Variants in VGLL4 observed in about 807,000 individuals in gnomAD.
VGLL4 encodes the protein transcription cofactor vestigial-like protein 4.
In VGLL4, 7 loss-of-function variants were observed where a neutral mutation model predicts 21.0. The observed-to-expected ratio is 0.33, with a 90% CI of 0.19 to 0.63. VGLL4 has a LOEUF of 0.63. Among genes scored for constraint, VGLL4 ranks in the 20% least tolerant of loss-of-function variants. The pLI is 0.78. For synonymous variants in VGLL4, 222 were observed against 173.2 expected (o/e 1.28, Z -2.21); for missense variants, 394 against 425.7 (o/e 0.93, Z 0.66).
intron 2 of VGLL4, chr3:11,671,451 C>T (rs572087222): frequency 9.5e-6 from 7 of 735,092 alleles, no homozygotes; most frequent in Middle Eastern, 4.6e-4. Context: ...CCTCAGTATT[C>T]GCCGGGGATT....
At chr3:11,577,337 G>A (rs2014275) in intron 2 of VGLL4, among the ~76,000 whole-genome samples, 14,159 of 152,206 alleles carry the variant, frequency 0.093, 793 homozygotes, top group South Asian at 0.14. Context: ...GGTGGCTCAC[G>A]CCTGTAATCT....
intron 2 of VGLL4, among the ~76,000 whole-genome samples, chr3:11,659,989 G>A (rs2125353499): frequency 6.6e-6 from 1 of 152,090 alleles, no homozygotes; most frequent in East Asian, 2.0e-4. Flanking sequence ...GTGAAACCCT[G>A]TCTCTACTAA....
chr3:11,720,667 C>T (rs1047058780), exon 1 of VGLL4: 2 of 152,262 alleles, frequency 1.3e-5, no homozygotes, highest in Admixed American at 1.3e-4. Context: ...TGGAAAGAGT[C>T]CCCTTCAGCC....
rs538747648 is a variant in VGLL4, at chr3:11,675,809, T to G, written c.64+27162A>C. On this transcript the variant is annotated intron_variant, in intron 2 of 5. Coordinates refer to the VGLL4 transcript ENST00000273038. Reference sequence around the variant, plus strand: ...AGTTATACCCAATAGAGTTGAAATATCCAATTCAGTAAAACAAACTGTTCA... The same window carrying G: ...AGTTATACCCAATAGAGTTGAAATAGCCAATTCAGTAAAACAAACTGTTCA... 2.0e-3 allele frequency among the ~76,000 whole-genome samples: 304 copies of G among 152,340 alleles called. 2 individuals are homozygous for G. Among genetic ancestry groups the G allele is most frequent in the African/African-American group, 7.2e-3 (299 of 41,580 alleles).
At chr3:11,713,792 G>A (rs2076882751) in intron 1 of VGLL4, among the ~76,000 whole-genome samples, 1 of 151,816 alleles carries the variant, frequency 6.6e-6, no homozygotes, top group African/African-American at 2.4e-5. Flanking sequence ...AACCTTAGGT[G>A]CCTCCACCTC....
intron 2 of VGLL4, among the ~76,000 whole-genome samples, chr3:11,666,408 A>T (rs756930237): frequency 1.3e-5 from 2 of 152,202 alleles, no homozygotes; most frequent in Non-Finnish European, 2.9e-5. Flanking sequence ...CGAACAGAGC[A>T]TGGCCAGAAT....
intron 2 of VGLL4, among the ~76,000 whole-genome samples, chr3:11,697,385 G>A (rs1208136687): frequency 6.6e-6 from 1 of 152,070 alleles, no homozygotes; most frequent in Non-Finnish European, 1.5e-5. Flanking sequence ...GGCATTACAG[G>A]CATGAGCCAC....
Position 11,653,281 on chromosome 3 carries a change from C to T in VGLL4, c.64+49690G>A, listed in dbSNP as rs1027611175. ...GGAGAATTTTAATGTATCCCACCTCCACCTATTCCTTCTTCCAGTAACTAC... is the reference window on the plus strand; with the variant it reads ...GGAGAATTTTAATGTATCCCACCTCTACCTATTCCTTCTTCCAGTAACTAC... On this transcript the variant is annotated intron_variant, in intron 2 of 5. Coordinates refer to the VGLL4 transcript ENST00000273038. This position sits in a 1 kb window ranked among gnomAD's most constrained non-coding sequence, Gnocchi z 4.2. 2.6e-5 allele frequency among the ~76,000 whole-genome samples: 4 copies of T among 152,182 alleles called. No homozygotes were observed. Among genetic ancestry groups the T allele is most frequent in the Non-Finnish European group, 5.9e-5 (4 of 68,034 alleles).
At chr3:11,704,383 CAAAAAAAAAAAA>C (rs57593843) in intron 1 of VGLL4, among the ~76,000 whole-genome samples, 6 of 69,168 alleles carry the variant, frequency 8.7e-5, no homozygotes, top group African/African-American at 2.0e-4. Context: ...AACTCCGTCT[CAAAAAAAAAAAA>C]AAAAAAAAAA....
intron 1 of VGLL4, among the ~76,000 whole-genome samples, chr3:11,638,612 A>C (rs2075632193): frequency 6.6e-6 from 1 of 151,946 alleles, no homozygotes; most frequent in Non-Finnish European, 1.5e-5. Flanking sequence ...AAGTAAAATG[A>C]CTTTCCACAG....
At chr3:11,643,401 G>A (rs201493030) in intron 1 of VGLL4, 36 bp downstream of exon 1, 159 of 1,613,864 alleles carry the variant, frequency 9.9e-5, no homozygotes, top group Non-Finnish European at 1.3e-4. Context: ...TGGCCGGGAC[G>A]AGCAACGGGC....
upstream of VGLL4, among the ~76,000 whole-genome samples, chr3:11,647,513 C>T (rs1001574847): frequency 2.0e-5 from 3 of 152,144 alleles, no homozygotes; most frequent in Non-Finnish European, 4.4e-5. Context: ...GGAATAGTTG[C>T]ATTATACTTA....
Position 11,600,964 on chromosome 3 carries a change from C to T in VGLL4, c.272+869G>A, listed in dbSNP as rs542747259. Among the ~76,000 whole-genome samples the T allele has an allele frequency of 5.3e-5, 8 of 152,310 alleles. No homozygotes were observed. The South Asian group carries it at 6.2e-4, about 12-fold the overall frequency. On this transcript the variant is annotated intron_variant, in intron 2 of 4. Transcript: ENST00000430365. Reference sequence around the variant, plus strand: ...GCAAGATAACTCCAAGAACACCAACCGCCCTCACCACTGTACCCGTAGACT... The same window carrying T: ...GCAAGATAACTCCAAGAACACCAACTGCCCTCACCACTGTACCCGTAGACT...
intron 1 of VGLL4, 150 bp downstream of exon 1, chr3:11,643,287 G>C: frequency 8.8e-7 from 1 of 1,142,722 alleles, no homozygotes; most frequent in Non-Finnish European, 1.2e-6. Context: ...GAACACACTC[G>C]GTGCCGAACC....
At chr3:11,654,369 A>G (rs925218197) in intron 2 of VGLL4, among the ~76,000 whole-genome samples, 9 of 152,060 alleles carry the variant, frequency 5.9e-5, no homozygotes, top group Non-Finnish European at 7.3e-5. Context: ...CAATGCGGAG[A>G]TGAGGAAACA....
At position 11,643,829 on chromosome 3, in the gene VGLL4, G is replaced by A. The variant is rs1423138191; in HGVS notation, c.-311C>T. The stretch of plus-strand genomic sequence containing the variant: ...TGGAAATGGAAAAGAGTGAAAAAGA[G>A]AAACGCGCAGCCCGTTTCCTAGGAC... On this transcript the variant is annotated 5_prime_UTR_variant, in exon 1 of 5. Coordinates refer to ENST00000430365, the MANE Select transcript of VGLL4 (RefSeq NM_001128219.3). 6.5e-6 allele frequency: 7 copies of A among 1,076,100 alleles called. No individual in the cohort carries two copies. The South Asian group carries it at 1.9e-4, about 30-fold the overall frequency. 66.7% of individuals were successfully genotyped at this position (1,076,100 alleles called of 1,614,324 possible).
chr3:11,642,908 A>G (rs2075723868), intron 1 of VGLL4, among the ~76,000 whole-genome samples: 1 of 152,172 alleles, frequency 6.6e-6, no homozygotes, highest in Non-Finnish European at 1.5e-5. Flanking sequence ...GCTCGCTGAC[A>G]CGGTGCCCTT....
chr3:11,713,581 T>C (rs1004160478), intron 1 of VGLL4, among the ~76,000 whole-genome samples: 7 of 147,748 alleles, frequency 4.7e-5, no homozygotes, highest in African/African-American at 1.7e-4. Context: ...TATATATATA[T>C]ATATATATAT....
chr3:11,695,739 C>T (rs903207914), intron 2 of VGLL4, among the ~76,000 whole-genome samples: 13 of 152,042 alleles, frequency 8.6e-5, no homozygotes, highest in African/African-American at 1.9e-4. Flanking sequence ...GCAAGTACCC[C>T]GTCTCCTCTC....
Sources: gnomAD v4.1 joint callset for allele counts (sites outside exome capture counted in the v4.1 genomes callset) on GRCh38, gnomAD v4.1.1 for gene constraint, Gnocchi (gnomAD v3.1) non-coding constraint, MANE v1.5 for transcripts, NCBI Gene and HGNC (gene_info 2026-07-23, HGNC 2026-07-21) for gene names.